CDC14B: variants seen among roughly 807,000 people sequenced by gnomAD.
CDC14B encodes the protein cell division cycle 14B, also known as dual specificity protein phosphatase CDC14B.
Under a neutral mutation model 64.2 loss-of-function variants are expected in CDC14B, and 22 were observed. The observed-to-expected ratio is 0.34, with a 90% CI of 0.24 to 0.49. The LOEUF is 0.49. Among genes scored for constraint, CDC14B ranks in the 20% least tolerant of loss-of-function variants. The pLI is 0.99. For missense variants in CDC14B, 498 were observed against 629.9 expected (o/e 0.79, Z 2.24); for synonymous variants, 191 against 215.8 (o/e 0.89, Z 1.01).
downstream of CDC14B, among the ~76,000 whole-genome samples, chr9:96,497,661 C>T (rs1449729737): frequency 1.3e-5 from 2 of 152,208 alleles, no homozygotes; most frequent in Non-Finnish European, 2.9e-5. Context: ...TTACACTTCT[C>T]CTGGACAGCA....
At chr9:96,604,756 C>T (rs2118898695) in intron 1 of CDC14B, among the ~76,000 whole-genome samples, 1 of 151,816 alleles carries the variant, frequency 6.6e-6, no homozygotes, top group South Asian at 2.1e-4. Context: ...GCAACTTCAG[C>T]CTCCTGGGTT....
rs1053217982 is a variant in CDC14B at position 96,501,955 on chromosome 9, G to C, written c.*1798C>G. The C allele has an allele frequency of 1.3e-5, 2 of 152,192 alleles. No homozygotes were observed. Among genetic ancestry groups the C allele is most frequent in the Non-Finnish European group, 2.9e-5 (2 of 68,060 alleles). The allele number at this position is 152,192 out of a possible 1,614,324, so 9.4% of individuals were successfully genotyped here. ...TAATGGAGGGGATGGCCTTAAAAGG[G>C]GTAAGGGGAAGAAGAGGTGCCCTGA... is the stretch of plus-strand genomic sequence containing the variant. On this transcript the variant is annotated 3_prime_UTR_variant, in exon 14 of 14. Coordinates refer to ENST00000375241, the MANE Select transcript of CDC14B (RefSeq NM_033331.4).
chr9:96,594,250 TAAC>T (rs1394577203), intron 1 of CDC14B, among the ~76,000 whole-genome samples: 1 of 152,034 alleles, frequency 6.6e-6, no homozygotes, highest in Non-Finnish European at 1.5e-5. Flanking sequence ...TGCCCTGAAT[TAAC>T]GACATGGAGC....
chr9:96,500,938 G>A lies in CDC14B; in HGVS notation c.*2815C>T, dbSNP rs1188400052. The A allele has an allele frequency of 6.6e-6, 1 of 152,114 alleles. No homozygotes were observed. The highest frequency in any genetic ancestry group is 6.5e-5 in the Admixed American group (1 of 15,270). The allele number at this position is 152,114 out of a possible 1,614,324, so 9.4% of individuals were successfully genotyped here. A position where few individuals can be genotyped will look rare whatever the true frequency, so the allele number is the denominator to read the frequency against. ...ATGCTTGGGAACTCCTCTAAAACTT[G>A]CCTAGGCCCAAGAAAACAGAGAGGT... On this transcript the variant is annotated 3_prime_UTR_variant, in exon 14 of 14. Coordinates refer to ENST00000375241, the MANE Select transcript of CDC14B (RefSeq NM_033331.4).
At chr9:96,510,366 A>G (rs1834746825) in intron 12 of CDC14B, among the ~76,000 whole-genome samples, 1 of 152,208 alleles carries the variant, frequency 6.6e-6, no homozygotes, top group South Asian at 2.1e-4. Flanking sequence ...AATGAAAGTG[A>G]AAACACTTAA....
chr9:96,574,146 C>CAA (rs761032445), intron 1 of CDC14B, among the ~76,000 whole-genome samples: 5 of 118,082 alleles, frequency 4.2e-5, no homozygotes, highest in African/African-American at 6.2e-5. Context: ...GACTCCATCT[C>CAA]AAAAAAAAAA....
chr9:96,571,105 A>G (rs935688295), intron 1 of CDC14B, among the ~76,000 whole-genome samples: 1 of 152,232 alleles, frequency 6.6e-6, no homozygotes, highest in African/African-American at 2.4e-5. Context: ...TGCTAATATC[A>G]CATATTTATA....
intron 12 of CDC14B, among the ~76,000 whole-genome samples, chr9:96,513,971 T>A (rs1461850171): frequency 1.3e-5 from 2 of 152,188 alleles, no homozygotes; most frequent in African/African-American, 4.8e-5. Flanking sequence ...GTCACCACCT[T>A]ACAAATAAAA....
chr9:96,534,622 G>A, intron 7 of CDC14B, 80 bp from the exon 8 acceptor site: 1 of 929,536 alleles, frequency 1.1e-6, no homozygotes, highest in Non-Finnish European at 1.7e-6. Context: ...AGTCTCTGAA[G>A]GACTTCAAAC....
At chr9:96,591,939 G>T (rs1183257575) in intron 1 of CDC14B, among the ~76,000 whole-genome samples, 8 of 152,056 alleles carry the variant, frequency 5.3e-5, no homozygotes, top group Admixed American at 5.2e-4. Flanking sequence ...TAGAGATGGG[G>T]TTTCACCGTG....
intron 1 of CDC14B, among the ~76,000 whole-genome samples, chr9:96,607,549 TA>T: frequency 6.6e-6 from 1 of 151,160 alleles, no homozygotes; most frequent in Non-Finnish European, 1.5e-5. Flanking sequence ...GCCGCCTGAG[TA>T]GCTGGGACTA....
Position 96,522,535 on chromosome 9 carries a change from T to C in CDC14B, c.1314A>G (p.Arg438=), listed in dbSNP as rs936858588. 6.2e-7 allele frequency: 1 copy of C among 1,613,272 alleles called. No homozygotes were observed. The highest frequency in any genetic ancestry group is 1.7e-5 in the Admixed American group (1 of 60,026). Residue 438 remains arginine (R), a synonymous_variant, in exon 12 of 14, where the codon AGA becomes AGG. Transcript: ENST00000375241. ...GDRLRALKSR[R]QSKTNAIPLT... ...GAGGAATAGCGTTTGTTTTGGATTG[T>C]CTTCTGCTTTTCAAGGCCCGAAGTC...
chr9:96,503,574 G>T lies in CDC14B; in HGVS notation c.*179C>A. 1.6e-6 allele frequency: 1 copy of T among 606,330 alleles called. No individual in the cohort carries two copies. Among genetic ancestry groups the T allele is most frequent in the African/African-American group, 1.9e-5 (1 of 53,632 alleles). The allele number at this position is 606,330 out of a possible 1,614,324, so 37.6% of individuals were successfully genotyped here. A position where few individuals can be genotyped will look rare whatever the true frequency, so the allele number is the denominator to read the frequency against. On this transcript the variant is annotated 3_prime_UTR_variant, in exon 14 of 14. Coordinates refer to ENST00000375241, the MANE Select transcript of CDC14B (RefSeq NM_033331.4). ...GGACCCTTCTCTGAGTCATTTGCTT[G>T]CACCCAAACTCAAAGTTCATTATTC...
At chr9:96,567,668 T>C (rs1427032254) in intron 1 of CDC14B, among the ~76,000 whole-genome samples, 1 of 152,164 alleles carries the variant, frequency 6.6e-6, no homozygotes, top group East Asian at 1.9e-4. Context: ...GAAGGATGGT[T>C]ATCGGAGGCT....
intron 1 of CDC14B, among the ~76,000 whole-genome samples, chr9:96,602,865 T>TG (rs773245189): frequency 1.1e-4 from 16 of 152,042 alleles, no homozygotes; most frequent in Non-Finnish European, 1.8e-4. Context: ...ACCTATATCA[T>TG]AGAAACTTTA....
At chr9:96,555,601 G>A (rs779067578) in intron 4 of CDC14B, among the ~76,000 whole-genome samples, 6 of 152,186 alleles carry the variant, frequency 3.9e-5, no homozygotes, top group African/African-American at 9.7e-5. Flanking sequence ...GGAAATGGCC[G>A]TTTCCATTTG....
chr9:96,524,030 G>A (rs1259169502), intron 9 of CDC14B, among the ~76,000 whole-genome samples: 1 of 152,122 alleles, frequency 6.6e-6, no homozygotes, highest in Non-Finnish European at 1.5e-5. Context: ...TTCACCTCCT[G>A]GGCTCAAGCA....
chr9:96,618,559 G>A (rs1305559860), intron 1 of CDC14B: 1 of 533,358 alleles, frequency 1.9e-6, no homozygotes, highest in Admixed American at 1.9e-5. Flanking sequence ...CGGCTGGCTC[G>A]AATGCCACCA....
At chr9:96,565,759 A>G (rs1843822389) in intron 1 of CDC14B, among the ~76,000 whole-genome samples, 2 of 152,226 alleles carry the variant, frequency 1.3e-5, no homozygotes, top group South Asian at 4.1e-4. Flanking sequence ...CTATTTTTGT[A>G]AAAGTTTAGC....
Sources: gnomAD v4.1 joint callset for allele counts (sites outside exome capture counted in the v4.1 genomes callset) on GRCh38, gnomAD v4.1.1 for gene constraint, MANE v1.5 for transcripts, NCBI Gene and HGNC (gene_info 2026-07-23, HGNC 2026-07-21) for gene names.